MAGI2: variants seen among roughly 807,000 people sequenced by gnomAD.
MAGI2 encodes the protein membrane-associated guanylate kinase, WW and PDZ domain-containing protein 2.
MAGI2 carries 35 observed loss-of-function variants against 133.3 expected under a neutral mutation model. That is an observed-to-expected ratio of 0.26 (90% CI 0.20 to 0.35). MAGI2 has a LOEUF of 0.35. Among genes scored for constraint, MAGI2 ranks in the 10% least tolerant of loss-of-function variants. The probability of loss-of-function intolerance (pLI) is 1.00; values close to 1 mark genes in which losing one functional copy is unlikely to be tolerated. For missense variants in MAGI2, 1,636 were observed against 1,863.4 expected (o/e 0.88, Z 2.25); for synonymous variants, 729 against 710.6 (o/e 1.03, Z -0.41).
In MAGI2 at chr7:78,630,655, T is replaced by A. The variant is rs117908005; in HGVS notation, c.419-3416A>T. ...TGGTCTCAATCTCCTGACCTTGTGATTCCCCCACCTCGGCCTCCCAAAGTG... is the reference window on the plus strand; with the variant it reads ...TGGTCTCAATCTCCTGACCTTGTGAATCCCCCACCTCGGCCTCCCAAAGTG... On this transcript the variant is annotated intron_variant, in intron 2 of 21. Transcript: ENST00000354212. 7.4e-3 allele frequency among the ~76,000 whole-genome samples: 1,121 copies of A among 152,102 alleles called. 7 individuals are homozygous for A. The highest frequency in any genetic ancestry group is 0.012 in the Non-Finnish European group (841 of 67,946).
intron 1 of MAGI2, among the ~76,000 whole-genome samples, chr7:79,042,308 G>C (rs1385639639): frequency 1.3e-5 from 2 of 151,998 alleles, no homozygotes; most frequent in African/African-American, 4.8e-5. Flanking sequence ...TTTGATTGTT[G>C]TTGGTTTAAA....
rs562036551 is a variant in MAGI2 at position 78,390,189 on chromosome 7, C to T, written c.1046-20976G>A. ...TTTCTAAGAGTAATATATTTAAACC[C>T]CCATTAGACATAGAATTTATTATAA... is the stretch of plus-strand genomic sequence containing the variant. On this transcript the variant is annotated intron_variant, in intron 6 of 21. Coordinates refer to ENST00000354212, the MANE Select transcript of MAGI2 (RefSeq NM_012301.4). Among the ~76,000 whole-genome samples, 26 of 152,182 alleles carry T rather than the reference C, an allele frequency of 1.7e-4. 1 individual carries two copies. In the South Asian group the frequency reaches 5.2e-3, roughly 30 times the overall value.
chr7:79,416,532 A>T (rs963232245), intron 1 of MAGI2, among the ~76,000 whole-genome samples: 8 of 152,014 alleles, frequency 5.3e-5, no homozygotes, highest in Non-Finnish European at 1.2e-4. Flanking sequence ...ATGCACTTCT[A>T]TGTGAGTGCT....
At chr7:78,213,397 A>AT (rs1787958540) in intron 10 of MAGI2, among the ~76,000 whole-genome samples, 1 of 152,090 alleles carries the variant, frequency 6.6e-6, no homozygotes, top group Non-Finnish European at 1.5e-5. Flanking sequence ...AGAGTCCTGA[A>AT]TTTTTTTGTC....
intron 1 of MAGI2, among the ~76,000 whole-genome samples, chr7:79,244,942 G>A (rs1352035977): frequency 6.6e-6 from 1 of 152,178 alleles, no homozygotes; most frequent in African/African-American, 2.4e-5. Context: ...GCAACAGGCA[G>A]TCCTGTTCCT....
At chr7:78,667,758 T>C (rs1813801164) in intron 2 of MAGI2, among the ~76,000 whole-genome samples, 1 of 152,064 alleles carries the variant, frequency 6.6e-6, no homozygotes, top group African/African-American at 2.4e-5. Context: ...CCATGGTGTA[T>C]ATGTGCCACA....
chr7:79,169,504 A>C (rs1390478060), intron 1 of MAGI2, among the ~76,000 whole-genome samples: 1 of 152,102 alleles, frequency 6.6e-6, no homozygotes, highest in East Asian at 1.9e-4. Flanking sequence ...GAAGATGGAG[A>C]AGACATAGTC....
At chr7:78,232,436 A>G (rs1790078670) in intron 10 of MAGI2, among the ~76,000 whole-genome samples, 3 of 152,214 alleles carry the variant, frequency 2.0e-5, no homozygotes, top group South Asian at 4.1e-4. Context: ...GAGCAAGGCT[A>G]TTTGGGGAAA....
At chr7:78,165,627 C>T (rs892554745) in intron 15 of MAGI2, among the ~76,000 whole-genome samples, 1 of 152,126 alleles carries the variant, frequency 6.6e-6, no homozygotes, top group Non-Finnish European at 1.5e-5. Context: ...AAGGGGGTGG[C>T]GATGCTGCTC....
At chr7:78,552,176 C>T (rs1225074845) in intron 3 of MAGI2, among the ~76,000 whole-genome samples, 3 of 90,342 alleles carry the variant, frequency 3.3e-5, no homozygotes, top group Admixed American at 1.4e-4. Context: ...ATTTGTTTTC[C>T]TTTTTTTTTT....
At chr7:78,403,523 G>A (rs1797096252) in intron 6 of MAGI2, among the ~76,000 whole-genome samples, 1 of 152,122 alleles carries the variant, frequency 6.6e-6, no homozygotes, top group African/African-American at 2.4e-5. Flanking sequence ...CCAGTAATTG[G>A]ATGGCTGGGT....
At chr7:78,339,869 A>C (rs1009780107) in intron 9 of MAGI2, among the ~76,000 whole-genome samples, 1 of 152,208 alleles carries the variant, frequency 6.6e-6, no homozygotes, top group Non-Finnish European at 1.5e-5. Flanking sequence ...TCAACTTTTA[A>C]GGAGATATAA....
intron 1 of MAGI2, among the ~76,000 whole-genome samples, chr7:79,017,932 T>C (rs1190869793): frequency 6.6e-6 from 1 of 152,074 alleles, no homozygotes; most frequent in Non-Finnish European, 1.5e-5. Flanking sequence ...AAGATGGGAT[T>C]CTGGAAAGAG....
chr7:79,376,248 G>A (rs552081415), intron 1 of MAGI2, among the ~76,000 whole-genome samples: 1 of 151,910 alleles, frequency 6.6e-6, no homozygotes, highest in East Asian at 1.9e-4. Context: ...AGTGTAGTCT[G>A]TAAATTAGGC....
chr7:79,417,888 C>T (rs6466639), intron 1 of MAGI2, among the ~76,000 whole-genome samples: 2 of 151,368 alleles, frequency 1.3e-5, no homozygotes, highest in East Asian at 1.9e-4. Flanking sequence ...ACAACAACTA[C>T]CCCCCCAAAT....
rs893591238 is a variant in MAGI2, at chr7:79,031,037, A to G, written c.302-23831T>C. 2.6e-5 allele frequency among the ~76,000 whole-genome samples: 4 copies of G among 152,204 alleles called. No individual in the cohort carries two copies. The South Asian group carries it at 8.3e-4, about 32-fold the overall frequency. ...TCTGAACAACTAGCACCTTATCAGC[A>G]TGCTAAGAGTTAGATATAGCAATCA... On this transcript the variant is annotated intron_variant, in intron 1 of 21. Transcript: ENST00000354212.
chr7:78,670,586 G>A (rs1250636910), intron 2 of MAGI2, among the ~76,000 whole-genome samples: 1 of 152,086 alleles, frequency 6.6e-6, no homozygotes, highest in Non-Finnish European at 1.5e-5. Context: ...AAGTTCATAT[G>A]GAACCAAAAA....
In MAGI2 at chr7:78,775,937, T is replaced by C. The variant is rs548327396; in HGVS notation, c.419-148698A>G. Among the ~76,000 whole-genome samples the C allele has an allele frequency of 1.2e-4, 19 of 152,340 alleles. No homozygotes were observed. The East Asian group carries it at 3.5e-3, about 28-fold the overall frequency. ...AGAGCATTGTTACTGTTTTGCTTTC[T>C]ACTCTCGTGTGAACCTGCAAAAGGC... is the stretch of plus-strand genomic sequence containing the variant. On this transcript the variant is annotated intron_variant, in intron 2 of 21. Transcript: ENST00000354212.
At chr7:78,982,849 G>A (rs1804910321) in intron 2 of MAGI2, among the ~76,000 whole-genome samples, 2 of 152,004 alleles carry the variant, frequency 1.3e-5, no homozygotes, top group Non-Finnish European at 2.9e-5. Flanking sequence ...GATGAAAATG[G>A]AAAGGAGAGG....
Sources: allele counts gnomAD v4.1 joint callset (sites outside exome capture counted in the v4.1 genomes callset), GRCh38; gene constraint gnomAD v4.1.1; transcripts MANE v1.5; gene names NCBI Gene and HGNC (gene_info 2026-07-23, HGNC 2026-07-21).